The following PACSIN2 variants were observed in gnomAD, a reference collection of about 807,000 sequenced individuals.
PACSIN2 encodes the protein protein kinase C and casein kinase substrate in neurons 2.
In PACSIN2, 25 loss-of-function variants were observed where a neutral mutation model predicts 63.8. That is an observed-to-expected ratio of 0.39 (90% confidence interval 0.29 to 0.55). PACSIN2 has a LOEUF of 0.55. Ranked by LOEUF, PACSIN2 falls within the 20% of genes least tolerant of loss-of-function variation. The pLI is 0.62. For synonymous variants in PACSIN2, 255 were observed against 256.2 expected (o/e 1.00, Z 0.05); for missense variants, 518 against 646.9 (o/e 0.80, Z 2.16).
chr22:42,909,687 A>G, intron 2 of PACSIN2: 1 of 435,074 alleles, frequency 2.3e-6, no homozygotes, highest in Non-Finnish European at 4.8e-6. Context: ...CAGGGAGCAT[A>G]AGAGCTTAAT....
At chr22:42,904,287 C>T (rs1040166210) in intron 2 of PACSIN2, among the ~76,000 whole-genome samples, 1 of 152,218 alleles carries the variant, frequency 6.6e-6, no homozygotes, top group African/African-American at 2.4e-5. Flanking sequence ...ACAGCATATG[C>T]CGCCCTGTGT....
chr22:42,891,520 C>T lies in PACSIN2; in HGVS notation c.218-338G>A, dbSNP rs549124557. 2.0e-4 allele frequency among the ~76,000 whole-genome samples: 31 copies of T among 152,282 alleles called. No homozygotes were observed. In the South Asian group the frequency reaches 6.4e-3, roughly 32 times the overall value. On this transcript the variant is annotated intron_variant, in intron 3 of 10. Transcript: ENST00000263246. ...GGTTCAAGAGATTCTCCTGCCTCAG[C>T]CTCCCGAGTAGCTGGGATTACAGGT...
intron 1 of PACSIN2, chr22:42,959,856 C>A (rs1434709511): frequency 6.6e-6 from 1 of 152,278 alleles, no homozygotes; most frequent in Non-Finnish European, 1.5e-5. Flanking sequence ...TGCCTCTTTC[C>A]AACCCTGCTG....
At chr22:42,965,538 A>C (rs1430113159) in intron 1 of PACSIN2, among the ~76,000 whole-genome samples, 1 of 152,254 alleles carries the variant, frequency 6.6e-6, no homozygotes, top group Non-Finnish European at 1.5e-5. Flanking sequence ...CTGCATCTGC[A>C]ATACAGTGGT....
At chr22:42,936,801 C>T (rs1932932879) in intron 1 of PACSIN2, among the ~76,000 whole-genome samples, 1 of 151,304 alleles carries the variant, frequency 6.6e-6, no homozygotes, top group South Asian at 2.1e-4. Context: ...ATTCCAGCTA[C>T]TCAGGAGGCT....
At chr22:42,893,382 G>A (rs1368226328) in intron 3 of PACSIN2, 75 bp downstream of exon 3, 1 of 1,457,830 alleles carries the variant, frequency 6.9e-7, no homozygotes, top group Non-Finnish European at 9.5e-7. Context: ...CATAGAGAGG[G>A]TCACAACGTG....
chr22:42,936,712 A>G, intron 1 of PACSIN2, among the ~76,000 whole-genome samples: 1 of 152,154 alleles, frequency 6.6e-6, no homozygotes, highest in East Asian at 1.9e-4. Context: ...GGGGTTCAAG[A>G]CCAGCCTGGC....
intron 1 of PACSIN2, among the ~76,000 whole-genome samples, chr22:42,958,795 C>CGGAGAGAGGATGCTGCCTTTTTA (rs1466904258): frequency 2.6e-5 from 4 of 152,118 alleles, no homozygotes; most frequent in African/African-American, 9.7e-5. Flanking sequence ...TTCTGGAGGA[C>CGGAGAGAGGATGCTGCCTTTTTA]GGAGAGAGGA....
intron 5 of PACSIN2, among the ~76,000 whole-genome samples, chr22:42,885,377 C>T (rs1441320496): frequency 1.3e-5 from 2 of 152,098 alleles, no homozygotes; most frequent in Admixed American, 6.5e-5. Flanking sequence ...GTCGTGTTGT[C>T]CCCCTGGGGT....
intron 1 of PACSIN2, among the ~76,000 whole-genome samples, chr22:42,928,231 C>T (rs1432217312): frequency 6.6e-6 from 1 of 152,218 alleles, no homozygotes; most frequent in Non-Finnish European, 1.5e-5. Flanking sequence ...AACACCTTGG[C>T]TAAAAAATGT....
At chr22:42,921,251 C>T (rs5996248) in intron 1 of PACSIN2, among the ~76,000 whole-genome samples, 29,678 of 151,444 alleles carry the variant, frequency 0.2, 4,993 homozygotes, top group East Asian at 0.73. Context: ...TCTAGCTGCT[C>T]GGGAGGCTGA....
intron 1 of PACSIN2, among the ~76,000 whole-genome samples, chr22:42,926,234 G>C (rs1298049016): frequency 6.6e-6 from 1 of 152,192 alleles, no homozygotes; most frequent in African/African-American, 2.4e-5. Context: ...CTTGCGCATT[G>C]CAAGATGCTT....
In PACSIN2 at chr22:42,883,307, A is replaced by G. The variant is rs144074003; in HGVS notation, c.786-1003T>C. On this transcript the variant is annotated intron_variant, in intron 6 of 10. Coordinates refer to ENST00000263246, the MANE Select transcript of PACSIN2 (RefSeq NM_001184970.3). ...TCAGTGCCACCCACTTTACAAGACTATCATAAAAATGGAATGGTGGCAGAG... is the reference window on the plus strand; with the variant it reads ...TCAGTGCCACCCACTTTACAAGACTGTCATAAAAATGGAATGGTGGCAGAG... 1.2e-4 allele frequency among the ~76,000 whole-genome samples: 18 copies of G among 152,290 alleles called. No homozygotes were observed. The East Asian group carries it at 3.5e-3, about 29-fold the overall frequency.
rs147920922 is a variant in PACSIN2 at position 42,924,606 on chromosome 22, A to AC, written c.-77-12450dup. 4.7e-3 allele frequency among the ~76,000 whole-genome samples: 710 copies of AC among 151,658 alleles called. 1 individual carries two copies. The highest frequency in any genetic ancestry group is 0.015 in the African/African-American group (617 of 41,304). On this transcript the variant is annotated intron_variant, in intron 1 of 10. Coordinates refer to ENST00000263246, the MANE Select transcript of PACSIN2 (RefSeq NM_001184970.3). ...CTCAGACCCTGCTCTCCAACCCGCC[A>AC]CCACTGCTGTCCACCCTACACCAAG...
chr22:42,884,667 A>C (rs1929346742), intron 5 of PACSIN2, 106 bp from the exon 6 acceptor site: 1 of 795,498 alleles, frequency 1.3e-6, no homozygotes, highest in Admixed American at 2.7e-5. Context: ...ATGCAAAGAA[A>C]AAACAGGAGC....
intron 10 of PACSIN2, 61 bp downstream of exon 10, chr22:42,876,076 A>T (rs924694582): frequency 5.5e-6 from 8 of 1,443,292 alleles, no homozygotes; most frequent in Non-Finnish European, 7.6e-6. Flanking sequence ...AACAAAAAAG[A>T]CCGCCCACAG....
At chr22:42,975,815 T>C (rs538739364) in intron 1 of PACSIN2, among the ~76,000 whole-genome samples, 2 of 152,296 alleles carry the variant, frequency 1.3e-5, no homozygotes, top group East Asian at 3.9e-4. Flanking sequence ...CCAAAACTTA[T>C]ATATCCATCA....
At chr22:42,968,323 T>C (rs1239599853) in intron 1 of PACSIN2, among the ~76,000 whole-genome samples, 2 of 152,068 alleles carry the variant, frequency 1.3e-5, no homozygotes, top group Non-Finnish European at 2.9e-5. Context: ...CTCAAACCCT[T>C]AGTGAAACCA....
At chr22:42,900,467 TA>T (rs1481406951) in intron 2 of PACSIN2, among the ~76,000 whole-genome samples, 4 of 152,220 alleles carry the variant, frequency 2.6e-5, no homozygotes, top group Non-Finnish European at 5.9e-5. Flanking sequence ...TGTCTATTTT[TA>T]AAAATTAAAT....
Sources: allele counts gnomAD v4.1 joint callset (sites outside exome capture counted in the v4.1 genomes callset), GRCh38; gene constraint gnomAD v4.1.1; transcripts MANE v1.5; gene names NCBI Gene and HGNC (gene_info 2026-07-23, HGNC 2026-07-21).